PLXNA2: variants seen among roughly 807,000 people sequenced by gnomAD.
The protein encoded by PLXNA2 is plexin-A2.
In PLXNA2, 91 loss-of-function variants were observed where a neutral mutation model predicts 193.5. The ratio of observed to expected loss-of-function variants is 0.47; its 90% CI spans 0.40 to 0.56. The LOEUF is 0.56. PLXNA2 is among the 20% of genes least tolerant of loss of function. PLXNA2 has a pLI of 0.00. For missense variants in PLXNA2, 1,995 were observed against 2,503.2 expected (o/e 0.80, Z 4.33); for synonymous variants, 997 against 1,027.3 (o/e 0.97, Z 0.56).
At position 208,154,990 on chromosome 1, in the gene PLXNA2, A is replaced by G. The variant is rs539166298; in HGVS notation, c.1372-12527T>C. On this transcript the variant is annotated intron_variant, in intron 3 of 31. Transcript: ENST00000367033. Reference sequence around the variant, plus strand: ...GATTCATAGACTTGGGTGGGACCAGACTGAGGAGGAAAATTGGGCTGGGAG... The same window carrying G: ...GATTCATAGACTTGGGTGGGACCAGGCTGAGGAGGAAAATTGGGCTGGGAG... 1.2e-4 allele frequency among the ~76,000 whole-genome samples: 19 copies of G among 152,306 alleles called. 1 individual carries two copies. The highest frequency in any genetic ancestry group is 1.0e-3 in the Admixed American group (16 of 15,292).
chr1:208,145,200 G>A (rs896511204), intron 3 of PLXNA2, among the ~76,000 whole-genome samples: 8 of 152,164 alleles, frequency 5.3e-5, no homozygotes, highest in African/African-American at 1.9e-4. Context: ...GGGGATTTCA[G>A]GCCCTGCTTC....
intron 1 of PLXNA2, among the ~76,000 whole-genome samples, chr1:208,224,233 A>G (rs1671441465): frequency 6.6e-6 from 1 of 151,944 alleles, no homozygotes; most frequent in South Asian, 2.1e-4. Flanking sequence ...TAATTATTAG[A>G]GTGAAGGAAT....
chr1:208,126,938 CA>C (rs1483822113), intron 4 of PLXNA2, among the ~76,000 whole-genome samples: 4 of 152,186 alleles, frequency 2.6e-5, no homozygotes, highest in African/African-American at 9.7e-5. Context: ...CTTTCCAATT[CA>C]GCACCTTTAT....
chr1:208,096,259 C>A, intron 7 of PLXNA2, 134 bp from the exon 8 acceptor site: 1 of 692,886 alleles, frequency 1.4e-6, no homozygotes, highest in Non-Finnish European at 2.5e-6. Flanking sequence ...TGGAACCTGC[C>A]TGAATCGTCT....
chr1:208,217,517 C>T lies in PLXNA2; in HGVS notation c.406G>A (p.Val136Ile). ...TCATCCAGCCGCAGCAGCTTGCAGA[C>T]CCCCTGGTAGAGGCTCCCACAGGCC... ...LLACGSLYQG[V>I]CKLLRLDDLF... The change falls in exon 2 of 32, where the codon GTC (valine) becomes ATC (isoleucine). Residue 136 changes from valine to isoleucine, a missense_variant. Physicochemically the swap from Val to Ile is conservative, Grantham distance 29. This residue lies in a region of PLXNA2 where 702 missense variants were observed against 812.9 expected (regional missense o/e 0.86). Coordinates refer to ENST00000367033, the MANE Select transcript of PLXNA2 (RefSeq NM_025179.4). This position sits in a 1 kb window ranked among gnomAD's most constrained non-coding sequence, Gnocchi z 4.7. 1.2e-6 allele frequency: 2 copies of T among 1,614,196 alleles called. No individual in the cohort carries two copies. The highest frequency in any genetic ancestry group is 1.7e-6 in the Non-Finnish European group (2 of 1,180,042).
chr1:208,230,563 G>A (rs1351879520), intron 1 of PLXNA2: 4 of 152,296 alleles, frequency 2.6e-5, no homozygotes, highest in African/African-American at 9.7e-5. Context: ...CTTAGGCTGG[G>A]GCCTCGCATT....
intron 2 of PLXNA2, 126 bp downstream of exon 2, chr1:208,216,609 G>A: frequency 1.8e-6 from 2 of 1,102,512 alleles, no homozygotes; most frequent in Non-Finnish European, 2.5e-6. Context: ...CTGATAACCT[G>A]AGTCTGAAAA....
chr1:208,118,965 C>T (rs12410818), intron 4 of PLXNA2, among the ~76,000 whole-genome samples: 1,771 of 152,198 alleles, frequency 0.012, 49 homozygotes, highest in East Asian at 0.091. Flanking sequence ...CAGAACATTG[C>T]CGGAGAATCA....
intron 3 of PLXNA2, among the ~76,000 whole-genome samples, chr1:208,207,546 AG>A (rs1239483185): frequency 6.6e-6 from 1 of 152,244 alleles, no homozygotes; most frequent in Non-Finnish European, 1.5e-5. Flanking sequence ...ACAGTAGATG[AG>A]GGCTGGACAG....
At position 208,092,777 on chromosome 1, in the gene PLXNA2, C is replaced by A; in HGVS notation, c.2097+9G>T. On this transcript the variant is annotated intron_variant, in intron 9 of 31. Coordinates refer to ENST00000367033, the MANE Select transcript of PLXNA2 (RefSeq NM_025179.4). ...GGAACACTGCCATGTTAGGGTAAGC[C>A]CTTCTTACCTCTGAAATATTGATCC... The A allele has an allele frequency of 6.3e-7, 1 of 1,579,432 alleles. No individual in the cohort carries two copies. The highest frequency in any genetic ancestry group is 8.7e-7 in the Non-Finnish European group (1 of 1,149,312).
chr1:208,026,931 G>T lies in PLXNA2; in HGVS notation c.*312C>A. ...CAATATACATCAAATGAGTTTTCATGCAAAGCAGCAGTCACAGAGGCAGAA... is the reference window on the plus strand; with the variant it reads ...CAATATACATCAAATGAGTTTTCATTCAAAGCAGCAGTCACAGAGGCAGAA... On this transcript the variant is annotated 3_prime_UTR_variant, in exon 32 of 32. Coordinates refer to ENST00000367033, the MANE Select transcript of PLXNA2 (RefSeq NM_025179.4). 4.4e-6 allele frequency: 1 copy of T among 227,426 alleles called. No homozygotes were observed. The highest frequency in any genetic ancestry group is 8.6e-6 in the Non-Finnish European group (1 of 115,886). The allele number at this position is 227,426 out of a possible 1,614,324, so 14.1% of individuals were successfully genotyped here.
intron 1 of PLXNA2, among the ~76,000 whole-genome samples, chr1:208,224,136 G>A (rs1671437974): frequency 6.6e-6 from 1 of 152,198 alleles, no homozygotes; most frequent in Admixed American, 6.5e-5. Flanking sequence ...AGCACAAGGT[G>A]AGCAAGAGGG....
chr1:208,060,726 G>T lies in PLXNA2; in HGVS notation c.2698C>A (p.Pro900Thr), dbSNP rs1286458485. 2 of 1,613,840 alleles carry T rather than the reference G, an allele frequency of 1.2e-6. No individual in the cohort carries two copies. Among genetic ancestry groups the T allele is most frequent in the Non-Finnish European group, 1.7e-6 (2 of 1,179,912 alleles). Reference protein sequence around the residue: ...IAHHVQVAGVPCTPLPGEYII... With the variant: ...IAHHVQVAGVTCTPLPGEYII... The stretch of plus-strand genomic sequence containing the variant: ...TATTCCCCTGGGAGGGGCGTGCAGG[G>T]CACCCCAGCCACCTGCACATGGTGG... Residue 900 changes from proline (P) to threonine (T), a missense_variant, in exon 13 of 32, where the codon CCC becomes ACC. Physicochemically the swap from Pro to Thr is conservative, Grantham distance 38. Coordinates refer to ENST00000367033, the MANE Select transcript of PLXNA2 (RefSeq NM_025179.4).
intron 9 of PLXNA2, 52 bp from the exon 10 acceptor site, chr1:208,084,632 T>G: frequency 1.3e-6 from 2 of 1,555,992 alleles, no homozygotes; most frequent in Non-Finnish European, 1.8e-6. Context: ...TGCTGTCCTA[T>G]GTGCCTGGGA....
rs1272956203 is a variant in PLXNA2 at position 208,038,138 on chromosome 1, C to T, written c.4764+233G>A. On this transcript the variant is annotated intron_variant, in intron 26 of 31. Transcript: ENST00000367033. The surrounding 1 kb of genome is among the most constrained non-coding windows in gnomAD (Gnocchi z 4.1). ...GAATAGAAATGCCTAGGCCTTACCCCAGACCTGTTAAATCTGTTTCTGAGG... is the reference window on the plus strand; with the variant it reads ...GAATAGAAATGCCTAGGCCTTACCCTAGACCTGTTAAATCTGTTTCTGAGG... 6.6e-6 allele frequency among the ~76,000 whole-genome samples: 1 copy of T among 152,166 alleles called. No homozygotes were observed. The highest frequency in any genetic ancestry group is 1.5e-5 in the Non-Finnish European group (1 of 68,034).
intron 3 of PLXNA2, among the ~76,000 whole-genome samples, chr1:208,189,510 G>GAA (rs533048081): frequency 4.5e-4 from 64 of 142,084 alleles, no homozygotes; most frequent in Middle Eastern, 3.5e-3. Context: ...GAGATAAAGA[G>GAA]AAAAAAAAAA....
chr1:208,193,353 T>C (rs890622018), intron 3 of PLXNA2, among the ~76,000 whole-genome samples: 1 of 152,234 alleles, frequency 6.6e-6, no homozygotes, highest in Non-Finnish European at 1.5e-5. Flanking sequence ...CATACTCGTG[T>C]AATGCTACTT....
intron 12 of PLXNA2, among the ~76,000 whole-genome samples, chr1:208,069,788 G>A (rs994694702): frequency 6.6e-6 from 1 of 152,196 alleles, no homozygotes; most frequent in Non-Finnish European, 1.5e-5. Context: ...GAGATAGCGG[G>A]AAAGAAGCCA....
chr1:208,103,120 C>A, intron 5 of PLXNA2, 27 bp downstream of exon 5: 1 of 1,554,092 alleles, frequency 6.4e-7, no homozygotes, highest in Non-Finnish European at 8.9e-7. Context: ...GCATGCCAAA[C>A]CCTTTTCCAG....
Sources: gnomAD v4.1 joint callset for allele counts (sites outside exome capture counted in the v4.1 genomes callset) on GRCh38, gnomAD v4.1.1 for gene constraint, gnomAD v4.1.1 regional missense constraint, Gnocchi (gnomAD v3.1) non-coding constraint, MANE v1.5 for transcripts, NCBI Gene and HGNC (gene_info 2026-07-23, HGNC 2026-07-21) for gene names.